Variants in PDE4D observed in about 807,000 individuals in gnomAD.
PDE4D encodes the protein phosphodiesterase 4D.
Under a neutral mutation model 87.4 loss-of-function variants are expected in PDE4D, and 24 were observed. The ratio of observed to expected loss-of-function variants is 0.27; its 90% CI spans 0.20 to 0.39. The LOEUF (loss-of-function observed/expected upper bound fraction) is 0.39. Among genes scored for constraint, PDE4D ranks in the 10% least tolerant of loss-of-function variants. PDE4D has a pLI of 1.00. For synonymous variants in PDE4D, 384 were observed against 383.2 expected, an observed-to-expected ratio of 1.00 and a Z score of -0.02; for missense variants, 714 against 1,041.0, an observed-to-expected ratio of 0.69 and a Z score of 4.32.
chr5:59,435,696 A>G (rs961138306), intron 1 of PDE4D, among the ~76,000 whole-genome samples: 2 of 152,182 alleles, frequency 1.3e-5, no homozygotes, highest in African/African-American at 4.8e-5. Context: ...GGAACCTAAA[A>G]CAACATTTGC....
At chr5:59,589,717 T>A (rs181492796) in intron 1 of PDE4D, among the ~76,000 whole-genome samples, 6 of 152,318 alleles carry the variant, frequency 3.9e-5, no homozygotes, top group South Asian at 2.1e-4. Flanking sequence ...ACCACACAGT[T>A]CAACATTCAA....
At chr5:59,818,840 C>T (rs1286545337) in intron 1 of PDE4D, among the ~76,000 whole-genome samples, 1 of 148,614 alleles carries the variant, frequency 6.7e-6, no homozygotes, top group Non-Finnish European at 1.5e-5. Flanking sequence ...CCTCTAGTTT[C>T]CCTGGGGAAG....
At chr5:59,105,122 A>G (rs527518117) in intron 5 of PDE4D, among the ~76,000 whole-genome samples, 6 of 152,316 alleles carry the variant, frequency 3.9e-5, no homozygotes, top group Admixed American at 6.5e-5. Context: ...AAACTCTTTG[A>G]GATGAAAGTC....
At chr5:59,385,869 T>C (rs1292008889) in intron 1 of PDE4D, among the ~76,000 whole-genome samples, 1 of 152,108 alleles carries the variant, frequency 6.6e-6, no homozygotes, top group Non-Finnish European at 1.5e-5. Context: ...TCTCGGAGTA[T>C]CTCAGGGAAC....
intron 2 of PDE4D, among the ~76,000 whole-genome samples, chr5:60,103,816 T>C (rs1266760839): frequency 1.3e-5 from 2 of 151,886 alleles, no homozygotes; most frequent in Non-Finnish European, 2.9e-5. Flanking sequence ...ACATCTAGCA[T>C]TAAGAAGAAT....
chr5:59,533,400 T>TG (rs1814578002), intron 1 of PDE4D, among the ~76,000 whole-genome samples: 1 of 152,242 alleles, frequency 6.6e-6, no homozygotes, highest in Non-Finnish European at 1.5e-5. Context: ...AAATCTGTAA[T>TG]GCCCAAATTA....
intron 1 of PDE4D, among the ~76,000 whole-genome samples, chr5:59,609,895 A>G (rs766912972): frequency 1.3e-5 from 2 of 152,128 alleles, no homozygotes; most frequent in Non-Finnish European, 2.9e-5. Flanking sequence ...AAATACAAAG[A>G]GTTGTGTGGA....
chr5:59,508,356 T>C (rs1809649569), intron 1 of PDE4D, among the ~76,000 whole-genome samples: 2 of 152,234 alleles, frequency 1.3e-5, no homozygotes, highest in African/African-American at 4.8e-5. Context: ...AAGTGTATAC[T>C]TGCGATATGT....
intron 2 of PDE4D, among the ~76,000 whole-genome samples, chr5:59,197,906 G>A (rs1379075624): frequency 6.6e-6 from 1 of 152,206 alleles, no homozygotes; most frequent in Non-Finnish European, 1.5e-5. Context: ...GCCACGTAAA[G>A]TGGGGCTGGG....
Position 59,748,648 on chromosome 5 carries a change from T to C in PDE4D, c.455+144520A>G, listed in dbSNP as rs192568214. Among the ~76,000 whole-genome samples the C allele has an allele frequency of 6.6e-3, 713 of 108,138 alleles. 7 individuals carry two copies. Among genetic ancestry groups the C allele is most frequent in the African/African-American group, 0.024 (670 of 28,024 alleles). 70.9% of individuals were successfully genotyped at this position (108,138 alleles called of 152,430 possible). On this transcript the variant is annotated intron_variant, in intron 1 of 14. Coordinates refer to ENST00000340635, the MANE Select transcript of PDE4D (RefSeq NM_001104631.2). ...GGGGGACATCACACACCGGGGCCTA[T>C]TGTGGGGTGGGGGGAGGGGAGAGGG...
chr5:60,372,905 T>A (rs1327716868), intron 1 of PDE4D, among the ~76,000 whole-genome samples: 2 of 152,244 alleles, frequency 1.3e-5, no homozygotes, highest in Admixed American at 1.3e-4. Flanking sequence ...TATCTCTCCA[T>A]TATTAATCTC....
At chr5:59,724,103 T>C (rs956405904) in intron 1 of PDE4D, among the ~76,000 whole-genome samples, 34 of 152,240 alleles carry the variant, frequency 2.2e-4, no homozygotes, top group African/African-American at 7.2e-4. Flanking sequence ...TTCTAGGACC[T>C]ATTTGAAGAC....
chr5:59,807,921 C>T (rs142629593), intron 1 of PDE4D, among the ~76,000 whole-genome samples: 159 of 152,290 alleles, frequency 1.0e-3, no homozygotes, highest in South Asian at 1.9e-3. Context: ...CGGAGACAGA[C>T]GTCTGTGGTG....
chr5:60,424,001 C>G (rs1023307427), intron 1 of PDE4D, among the ~76,000 whole-genome samples: 1 of 152,128 alleles, frequency 6.6e-6, no homozygotes, highest in African/African-American at 2.4e-5. Context: ...AAGTTGAATT[C>G]CTGAATAGAT....
intron 1 of PDE4D, among the ~76,000 whole-genome samples, chr5:59,406,830 C>T (rs890415851): frequency 6.6e-6 from 1 of 152,144 alleles, no homozygotes; most frequent in African/African-American, 2.4e-5. Context: ...CTGTCTAGGG[C>T]TACGAAGTTT....
chr5:60,288,586 A>G (rs1045307502), intron 1 of PDE4D, among the ~76,000 whole-genome samples: 9 of 152,222 alleles, frequency 5.9e-5, no homozygotes, highest in African/African-American at 2.2e-4. Flanking sequence ...TATGAAAAAA[A>G]GTTTTTTAAC....
intron 5 of PDE4D, among the ~76,000 whole-genome samples, chr5:59,069,530 T>C (rs1260333976): frequency 6.9e-6 from 1 of 144,674 alleles, no homozygotes; most frequent in Non-Finnish European, 1.5e-5. Flanking sequence ...TTTTTTTCCC[T>C]AATCCCGTGG....
intron 1 of PDE4D, among the ~76,000 whole-genome samples, chr5:59,218,941 A>G (rs1751854212): frequency 6.6e-6 from 1 of 150,478 alleles, no homozygotes; most frequent in Non-Finnish European, 1.5e-5. Context: ...AACTATCGCA[A>G]GAACAAAAAA....
intron 1 of PDE4D, among the ~76,000 whole-genome samples, chr5:60,514,257 C>A (rs1231874427): frequency 6.6e-6 from 1 of 151,988 alleles, no homozygotes; most frequent in East Asian, 1.9e-4. Flanking sequence ...CTGTTGAATT[C>A]TGCCAAACAG....
Sources: gnomAD v4.1 joint callset for allele counts (sites outside exome capture counted in the v4.1 genomes callset) on GRCh38, gnomAD v4.1.1 for gene constraint, MANE v1.5 for transcripts, NCBI Gene and HGNC (gene_info 2026-07-23, HGNC 2026-07-21) for gene names.